ZWILCH: variants seen among roughly 807,000 people sequenced by gnomAD.
ZWILCH encodes protein zwilch homolog.
In ZWILCH, 74 loss-of-function variants were observed where a neutral mutation model predicts 79.9. The ratio of observed to expected loss-of-function variants is 0.93; its 90% confidence interval spans 0.77 to 1.12. The LOEUF is 1.12. ZWILCH is among the 50% of genes most tolerant of loss of function. The probability of loss-of-function intolerance (pLI) is 0.00; values close to 1 mark genes in which losing one functional copy is unlikely to be tolerated. For synonymous variants in ZWILCH, 241 were observed against 228.2 expected (o/e 1.06, Z -0.51); for missense variants, 694 against 687.5 (o/e 1.01, Z -0.11).
At chr15:66,509,192 G>A (rs535272736) in intron 2 of ZWILCH, among the ~76,000 whole-genome samples, 374 of 152,134 alleles carry the variant, frequency 2.5e-3, no homozygotes, top group Non-Finnish European at 2.7e-3. Context: ...CGCCCGCCTC[G>A]GCCTCCCAAA....
chr15:66,539,487 A>G (rs1366512412), intron 16 of ZWILCH, among the ~76,000 whole-genome samples: 1 of 151,490 alleles, frequency 6.6e-6, no homozygotes, highest in Non-Finnish European at 1.5e-5. Context: ...ACATCTTCAC[A>G]TCATCATTAC....
intron 17 of ZWILCH, among the ~76,000 whole-genome samples, chr15:66,544,132 C>G (rs1317475027): frequency 6.6e-6 from 1 of 151,784 alleles, no homozygotes; most frequent in African/African-American, 2.4e-5. Flanking sequence ...TGGCGCATGC[C>G]TGTAATCCCA....
chr15:66,507,730 G>T (rs72752426), intron 1 of ZWILCH, among the ~76,000 whole-genome samples: 33 of 151,994 alleles, frequency 2.2e-4, no homozygotes, highest in Non-Finnish European at 3.8e-4. Flanking sequence ...ATTATTGCAA[G>T]ACTGATTAAG....
chr15:66,528,031 G>C, intron 10 of ZWILCH, 119 bp downstream of exon 10: 1 of 667,454 alleles, frequency 1.5e-6, no homozygotes, highest in Admixed American at 3.6e-5. Context: ...CAGCATTTAA[G>C]GGGAATTTTT....
chr15:66,544,858 C>T (rs577761129), intron 17 of ZWILCH, among the ~76,000 whole-genome samples: 1 of 151,626 alleles, frequency 6.6e-6, no homozygotes, highest in African/African-American at 2.4e-5. Flanking sequence ...ATTCTCCTGC[C>T]TCAGCCTCCC....
At chr15:66,505,454 G>A (rs150569590) in intron 1 of ZWILCH, 63 bp downstream of exon 1, 1 of 1,592,076 alleles carries the variant, frequency 6.3e-7, no homozygotes, top group Non-Finnish European at 8.6e-7. Context: ...TGGGTGTCTG[G>A]ATCCCCGCCC....
rs1259012185 is a variant in ZWILCH at position 66,536,052 on chromosome 15, C to T, written c.1461C>T (p.Leu487=). 1 of 1,606,356 alleles carries T rather than the reference C, an allele frequency of 6.2e-7. No individual in the cohort carries two copies. The highest frequency in any genetic ancestry group is 8.5e-7 in the Non-Finnish European group (1 of 1,177,628). Residue 487 remains leucine (L), a synonymous_variant, in exon 15 of 19, where the codon CTC becomes CTT. Transcript: ENST00000307897. ...CMPFIKSQHE[L]LFSLTQICIK... is the part of the protein sequence containing the mutation. Reference sequence around the variant, plus strand: ...CTTTCATTAAATCTCAACATGAACTCCTCTTTTCTTTAACACAGTAAGTAC... The same window carrying T: ...CTTTCATTAAATCTCAACATGAACTTCTCTTTTCTTTAACACAGTAAGTAC...
chr15:66,521,232 G>A (rs376898637), intron 7 of ZWILCH, 27 bp downstream of exon 7: 10 of 1,601,988 alleles, frequency 6.2e-6, no homozygotes, highest in Admixed American at 1.7e-5. Flanking sequence ...TTTCCTTTTC[G>A]GGTTCATGAG....
At chr15:66,533,172 G>C (rs1217758310) in intron 14 of ZWILCH, among the ~76,000 whole-genome samples, 159 bp downstream of exon 14, 1 of 152,014 alleles carries the variant, frequency 6.6e-6, no homozygotes, top group Admixed American at 6.6e-5. Context: ...TAGTAAGATA[G>C]ACAAAAAAGT....
At chr15:66,530,768 G>A (rs1336733850) in intron 12 of ZWILCH, among the ~76,000 whole-genome samples, 1 of 152,118 alleles carries the variant, frequency 6.6e-6, no homozygotes, top group Non-Finnish European at 1.5e-5. Context: ...AATTATTTTA[G>A]GTAATATGAC....
intron 7 of ZWILCH, among the ~76,000 whole-genome samples, chr15:66,522,875 T>G (rs1294042710): frequency 6.6e-6 from 1 of 152,082 alleles, no homozygotes; most frequent in Non-Finnish European, 1.5e-5. Context: ...CAGGCTGGAG[T>G]GCAGTGGCAT....
At chr15:66,528,792 C>G in intron 10 of ZWILCH, 60 bp from the exon 11 acceptor site, 1 of 1,445,274 alleles carries the variant, frequency 6.9e-7, no homozygotes, top group Middle Eastern at 1.7e-4. Flanking sequence ...CATTTGAAGG[C>G]TTAAATTATT....
intron 4 of ZWILCH, among the ~76,000 whole-genome samples, chr15:66,516,274 T>A (rs1223842926): frequency 2.0e-5 from 3 of 152,222 alleles, no homozygotes; most frequent in Admixed American, 1.3e-4. Flanking sequence ...TGAGAGCCTC[T>A]GGCTACCTCT....
In ZWILCH at chr15:66,520,655, T is replaced by A; in HGVS notation, c.586T>A (p.Ser196Thr). 6.4e-7 allele frequency: 1 copy of A among 1,554,530 alleles called. No homozygotes were observed. The highest frequency in any genetic ancestry group is 8.8e-7 in the Non-Finnish European group (1 of 1,132,918). Residue 196 changes from serine (S) to threonine (T), a missense_variant, in exon 6 of 19, where the codon TCT (serine) becomes ACT (threonine). Physicochemically the swap from Ser to Thr is moderately conservative, Grantham distance 58 (BLOSUM62 1). Transcript: ENST00000307897. ...KNLHKKRHHL[S>T]TVTSKGFAQY... Reference sequence around the variant, plus strand: ...TTTACACAAGAAAAGACATCACTTGTCTACTGTAAGTGTTTTGCTTCTACT... The same window carrying A: ...TTTACACAAGAAAAGACATCACTTGACTACTGTAAGTGTTTTGCTTCTACT...
In ZWILCH at chr15:66,525,756, C is replaced by CTTTTT. The variant is rs66835007; in HGVS notation, c.820-1515_820-1511dup. Among the ~76,000 whole-genome samples the CTTTTT allele has an allele frequency of 1.1e-3, 103 of 93,462 alleles. 1 individual carries two copies. The highest frequency in any genetic ancestry group is 1.3e-3 in the Non-Finnish European group (62 of 49,056). The allele number at this position is 93,462 out of a possible 152,430, so 61.3% of individuals were successfully genotyped here. On this transcript the variant is annotated intron_variant, in intron 8 of 18. Transcript: ENST00000307897. Reference sequence around the variant, plus strand: ...CAACAAAAATTATATTCACATTTTTCTTTTTTTTTTTTTTTTTTTTTTTGA... The same window carrying CTTTTT: ...CAACAAAAATTATATTCACATTTTTCTTTTTTTTTTTTTTTTTTTTTTTTTTTTGA...
intron 1 of ZWILCH, among the ~76,000 whole-genome samples, chr15:66,507,211 C>T (rs576680589): frequency 6.6e-6 from 1 of 152,210 alleles, no homozygotes; most frequent in South Asian, 2.1e-4. Context: ...GTTTTTTCCC[C>T]CACTACTGGG....
intron 8 of ZWILCH, among the ~76,000 whole-genome samples, chr15:66,526,063 C>T (rs1894663770): frequency 6.6e-6 from 1 of 151,998 alleles, no homozygotes; most frequent in African/African-American, 2.4e-5. Context: ...CATGCCCAAC[C>T]ATCTTCACAT....
chr15:66,539,884 TTC>T (rs755800256), intron 16 of ZWILCH, among the ~76,000 whole-genome samples: 6 of 152,150 alleles, frequency 3.9e-5, no homozygotes, highest in Non-Finnish European at 8.8e-5. Flanking sequence ...CATCTAGTAT[TTC>T]TCTGTTGTAG....
intron 18 of ZWILCH, 62 bp from the exon 19 acceptor site, chr15:66,548,289 G>A: frequency 2.6e-6 from 1 of 392,054 alleles, no homozygotes; most frequent in Non-Finnish European, 4.6e-6. Context: ...GGAGGGGTGA[G>A]ATTACAAGTG....
Sources: gnomAD v4.1 joint callset for allele counts (sites outside exome capture counted in the v4.1 genomes callset) on GRCh38, gnomAD v4.1.1 for gene constraint, MANE v1.5 for transcripts, NCBI Gene and HGNC (gene_info 2026-07-23, HGNC 2026-07-21) for gene names.